The following ZNF277 variants were observed in gnomAD, a reference collection of about 807,000 sequenced individuals.
The protein encoded by ZNF277 is nuclear receptor-interacting factor 4.
A neutral mutation model predicts 60.7 loss-of-function variants in ZNF277; 55 were observed. The ratio of observed to expected loss-of-function variants is 0.91; its 90% confidence interval spans 0.73 to 1.13. The LOEUF (loss-of-function observed/expected upper bound fraction) is 1.13, where lower values mean the gene tolerates loss of function less well. Ranked by LOEUF, ZNF277 falls within the 50% of genes most tolerant of loss-of-function variation. ZNF277 has a pLI of 0.00. For synonymous variants in ZNF277, 178 were observed against 179.3 expected, an observed-to-expected ratio of 0.99 and a Z score of 0.06; for missense variants, 510 against 523.0, an observed-to-expected ratio of 0.98 and a Z score of 0.24.
At chr7:112,218,964 T>A (rs778393873) in intron 1 of ZNF277, among the ~76,000 whole-genome samples, 47 of 152,238 alleles carry the variant, frequency 3.1e-4, no homozygotes, top group Non-Finnish European at 2.9e-4. Flanking sequence ...CTGATTTCAT[T>A]TTCTTCAGTT....
intron 6 of ZNF277, among the ~76,000 whole-genome samples, chr7:112,329,162 T>C (rs1793169888): frequency 6.6e-6 from 1 of 152,126 alleles, no homozygotes; most frequent in Non-Finnish European, 1.5e-5. Context: ...TGAAAAGGTG[T>C]TTAGTAGAGA....
intron 5 of ZNF277, among the ~76,000 whole-genome samples, chr7:112,327,461 A>G (rs568366883): frequency 6.6e-6 from 1 of 152,320 alleles, no homozygotes; most frequent in East Asian, 1.9e-4. Flanking sequence ...TTTAAAGGAC[A>G]GAACCTGATT....
At position 112,209,415 on chromosome 7, in the gene ZNF277, A is replaced by G. The variant is rs151235496; in HGVS notation, c.91+2608A>G. On this transcript the variant is annotated intron_variant, in intron 1 of 11. Transcript: ENST00000361822. ...ACTTTGAGGAAATAATCCAGGACCA[A>G]TGTTTCAATGACTAGTAGATTGAAT... is the stretch of plus-strand genomic sequence containing the variant. 2.1e-4 allele frequency among the ~76,000 whole-genome samples: 32 copies of G among 152,318 alleles called. No individual in the cohort carries two copies. The East Asian group carries it at 5.8e-3, about 28-fold the overall frequency.
chr7:112,311,716 GAA>G (rs11372217), intron 4 of ZNF277, among the ~76,000 whole-genome samples: 2 of 147,282 alleles, frequency 1.4e-5, no homozygotes, highest in African/African-American at 5.0e-5. Context: ...GTAAGGGAAA[GAA>G]AAAAAAAGAG....
intron 6 of ZNF277, among the ~76,000 whole-genome samples, chr7:112,329,555 A>T (rs530906291): frequency 1.5e-4 from 23 of 152,190 alleles, no homozygotes; most frequent in Non-Finnish European, 3.1e-4. Context: ...TGAAATTATC[A>T]TTTAAAAATC....
At chr7:112,276,746 A>T (rs1584369395) in intron 1 of ZNF277, among the ~76,000 whole-genome samples, 2 of 152,218 alleles carry the variant, frequency 1.3e-5, no homozygotes, top group East Asian at 3.9e-4. Flanking sequence ...CAAAGGGTTA[A>T]CTTTAATGGT....
At chr7:112,329,944 G>GA (rs1327639657) in intron 6 of ZNF277, 140 bp from the exon 7 acceptor site, 4 of 961,310 alleles carry the variant, frequency 4.2e-6, no homozygotes, top group African/African-American at 3.3e-5. Flanking sequence ...AGTGAGGGGG[G>GA]ATTCTGACAA....
intron 1 of ZNF277, among the ~76,000 whole-genome samples, chr7:112,258,728 A>C (rs1054896599): frequency 2.0e-5 from 3 of 152,130 alleles, no homozygotes; most frequent in African/African-American, 7.2e-5. Flanking sequence ...AAATAATCTT[A>C]TCTATGGGGA....
At chr7:112,319,931 A>G (rs1229255808) in intron 5 of ZNF277, among the ~76,000 whole-genome samples, 1 of 151,848 alleles carries the variant, frequency 6.6e-6, no homozygotes. Context: ...ACCATCAGAA[A>G]ATTTACCAAA....
intron 4 of ZNF277, among the ~76,000 whole-genome samples, chr7:112,299,770 TCTTGAGGATCTCAA>T (rs931511423): frequency 2.7e-4 from 41 of 152,296 alleles, no homozygotes; most frequent in Non-Finnish European, 2.6e-4. Flanking sequence ...GAATTGAGGA[TCTTGAGGATCTCAA>T]CTTGAGGATC....
At chr7:112,329,888 C>T (rs1793183365) in intron 6 of ZNF277, among the ~76,000 whole-genome samples, 196 bp from the exon 7 acceptor site, 1 of 152,130 alleles carries the variant, frequency 6.6e-6, no homozygotes, top group Admixed American at 6.5e-5. Context: ...ACTTAGCTGA[C>T]TACAAAATAC....
Position 112,343,661 on chromosome 7 carries a change from T to C in ZNF277, c.*932T>C, listed in dbSNP as rs115344679. The stretch of plus-strand genomic sequence containing the variant: ...CAAGTTTGAGGCTGGGCACAGTAGC[T>C]CATATCTGTAATCCCAGCACTTTGG... On this transcript the variant is annotated 3_prime_UTR_variant, in exon 12 of 12. Transcript: ENST00000361822. Among the ~76,000 whole-genome samples, 1,426 of 152,190 alleles carry C rather than the reference T, an allele frequency of 9.4e-3. 21 individuals carry two copies. The highest frequency in any genetic ancestry group is 0.032 in the African/African-American group (1,335 of 41,496).
At chr7:112,303,697 C>A (rs75326390) in intron 4 of ZNF277, among the ~76,000 whole-genome samples, 1 of 151,936 alleles carries the variant, frequency 6.6e-6, no homozygotes, top group South Asian at 2.1e-4. Context: ...GTGTTTAACT[C>A]CTGCATTTAC....
At chr7:112,228,555 C>A (rs12534171) in intron 1 of ZNF277, among the ~76,000 whole-genome samples, 28,225 of 144,262 alleles carry the variant, frequency 0.2, 3,606 homozygotes, top group Non-Finnish European at 0.28. Flanking sequence ...CTTGTCATTC[C>A]CATAAATATT....
At chr7:112,310,868 C>G (rs1792715588) in intron 4 of ZNF277, among the ~76,000 whole-genome samples, 1 of 151,972 alleles carries the variant, frequency 6.6e-6, no homozygotes, top group Non-Finnish European at 1.5e-5. Flanking sequence ...GCCTTTTTCT[C>G]TCATAGCCAC....
chr7:112,304,177 T>G (rs1792541049), intron 4 of ZNF277, among the ~76,000 whole-genome samples: 1 of 152,202 alleles, frequency 6.6e-6, no homozygotes, highest in Non-Finnish European at 1.5e-5. Context: ...TTTTATTGAT[T>G]GTTTTTAAAG....
intron 1 of ZNF277, among the ~76,000 whole-genome samples, chr7:112,225,593 GT>G (rs1368220923): frequency 1.3e-5 from 2 of 152,028 alleles, no homozygotes; most frequent in Non-Finnish European, 2.9e-5. Flanking sequence ...GCACAATTCT[GT>G]TTTTCTTTTC....
In ZNF277 at chr7:112,339,852, G is replaced by A. The variant is rs776328190; in HGVS notation, c.976G>A (p.Glu326Lys). The A allele has an allele frequency of 1.5e-5, 24 of 1,611,752 alleles. No homozygotes were observed. The East Asian group carries it at 3.1e-4, about 21-fold the overall frequency. ...KLYVHMEDAHEFDLLKIKSEL... is the reference protein window; with the variant it reads ...KLYVHMEDAHKFDLLKIKSEL... ...TTCATTCCTTTTTTAGGATGCACAC[G>A]AATTTGATCTTCTCAAAATAAAGTC... The change falls in exon 10 of 12, where the codon GAA (glutamate) becomes AAA (lysine). Residue 326 changes from glutamate (E) to lysine (K), a missense_variant. By Grantham distance (56) the Glu-to-Lys change is moderately conservative. Transcript: ENST00000361822.
At chr7:112,277,388 C>T (rs1364887554) in intron 1 of ZNF277, among the ~76,000 whole-genome samples, 1 of 152,104 alleles carries the variant, frequency 6.6e-6, no homozygotes, top group Non-Finnish European at 1.5e-5. Context: ...GGCCAAGAAT[C>T]TATTAATATT....
Sources: allele counts gnomAD v4.1 joint callset (sites outside exome capture counted in the v4.1 genomes callset), GRCh38; gene constraint gnomAD v4.1.1; transcripts MANE v1.5; gene names NCBI Gene and HGNC (gene_info 2026-07-23, HGNC 2026-07-21).